The following ALAS2 variants were observed in gnomAD, a reference collection of about 807,000 sequenced individuals.
The protein encoded by ALAS2 is 5'-aminolevulinate synthase 2.
In ALAS2, 3 loss-of-function variants were observed where a neutral mutation model predicts 33.7. The ratio of observed to expected loss-of-function variants is 0.09; its 90% CI spans 0.04 to 0.23. The LOEUF is 0.23. Among genes scored for constraint, ALAS2 ranks in the 10% least tolerant of loss-of-function variants. The probability of loss-of-function intolerance (pLI) is 1.00; values close to 1 mark genes in which losing one functional copy is unlikely to be tolerated. For synonymous variants in ALAS2, 191 were observed against 177.3 expected (o/e 1.08, Z -0.61); for missense variants, 304 against 475.1 (o/e 0.64, Z 3.35).
At chrX:55,012,717 C>T (rs1432883732) in intron 10 of ALAS2, among the ~76,000 whole-genome samples, 4 of 111,959 alleles carry the variant, frequency 3.6e-5, no homozygotes, top group Non-Finnish European at 3.8e-5. Flanking sequence ...AGCCAGGACC[C>T]GGGAGGCAGA....
intron 6 of ALAS2, among the ~76,000 whole-genome samples, chrX:55,019,987 AGAG>A (rs1172671450): frequency 9.0e-6 from 1 of 111,579 alleles, no homozygotes; most frequent in Non-Finnish European, 1.9e-5. Context: ...AGGTTTTAGA[AGAG>A]GAGAAGAAGT....
chrX:55,018,042 G>A (rs1326959582), intron 6 of ALAS2, among the ~76,000 whole-genome samples: 6 of 111,861 alleles, frequency 5.4e-5, no homozygotes, highest in Non-Finnish European at 9.4e-5. Context: ...TTGTTGACTC[G>A]GACTGATGCT....
chrX:55,025,699 T>C (rs947935978), intron 2 of ALAS2, 121 bp downstream of exon 2: 1 of 756,766 alleles, frequency 1.3e-6, no homozygotes, highest in South Asian at 2.2e-5. Context: ...GGCCAGTTCA[T>C]GCTATCTTGA....
chrX:55,027,358 A>C (rs1032282626), intron 1 of ALAS2, among the ~76,000 whole-genome samples: 2 of 110,084 alleles, frequency 1.8e-5, no homozygotes, highest in African/African-American at 3.3e-5. Context: ...GGACAGAGAG[A>C]AGAGAGTAGA....
rs1935785633 is a variant in ALAS2 at position 55,020,508 on chromosome X, G to A, written c.639-4C>T. 1.7e-6 allele frequency: 2 copies of A among 1,171,316 alleles called. No individual in the cohort carries two copies. Among genetic ancestry groups the A allele is most frequent in the African/African-American group, 3.5e-5 (2 of 56,583 alleles). On this transcript the variant is annotated splice_polypyrimidine_tract_variant and splice_region_variant and intron_variant, in intron 5 of 10. Coordinates refer to ENST00000650242, the MANE Select transcript of ALAS2 (RefSeq NM_000032.5). ...ACCATGACGCTGCAGGGTCTCCCTG[G>A]CCAGGAGAAAACAGGAGAAAAGGAG...
intron 10 of ALAS2, among the ~76,000 whole-genome samples, chrX:55,012,732 G>A (rs1171566516): frequency 8.9e-6 from 1 of 112,492 alleles, no homozygotes; most frequent in Non-Finnish European, 1.9e-5. Context: ...GGCAGAGGTA[G>A]CAGTGAGCCA....
intron 6 of ALAS2, among the ~76,000 whole-genome samples, chrX:55,018,563 A>G (rs1935743411): frequency 8.9e-6 from 1 of 112,234 alleles, no homozygotes; most frequent in Non-Finnish European, 1.9e-5. Flanking sequence ...TATTAAATGA[A>G]TGGATAAATA....
rs1265972680 is a variant in ALAS2, at chrX:55,025,990, G to T, written c.11C>A (p.Ala4Glu). 8.3e-7 allele frequency: 1 copy of T among 1,210,801 alleles called. No homozygotes were observed. The highest frequency in any genetic ancestry group is 2.2e-5 in the Admixed American group (1 of 46,022). Residue 4 changes from alanine to glutamate, a missense_variant, in exon 2 of 11, where the codon GCA (alanine) becomes GAA (glutamate). Physicochemically the swap from Ala to Glu is moderately radical, Grantham distance 107 (BLOSUM62 -1). Around this residue, in one of 3 missense-constraint regions of ALAS2, gnomAD observed 71 missense variants for 82.8 expected, o/e 0.86. Transcript: ENST00000650242. MVT[A>E]AMLLQCCPVL... The stretch of plus-strand genomic sequence containing the variant: ...TGGGCAGCACTGTAGCAGCATGGCT[G>T]CAGTCACCATCTTGAACCTAAAGTC...
At chrX:55,026,141 A>G (rs2146727409) in intron 1 of ALAS2, 126 bp from the exon 2 acceptor site, 1 of 575,185 alleles carries the variant, frequency 1.7e-6, no homozygotes, top group East Asian at 3.6e-5. Flanking sequence ...TTGCCCTTCC[A>G]GGGAAAGAAC....
intron 6 of ALAS2, among the ~76,000 whole-genome samples, chrX:55,020,118 G>A (rs1441053014): frequency 3.6e-5 from 4 of 111,635 alleles, no homozygotes; most frequent in Non-Finnish European, 5.6e-5. Context: ...AATGTTCCCC[G>A]GTAATGGTCC....
At chrX:55,026,042 T>C in intron 1 of ALAS2, 27 bp from the exon 2 acceptor site, 1 of 1,165,055 alleles carries the variant, frequency 8.6e-7, no homozygotes, top group Non-Finnish European at 1.2e-6. Flanking sequence ...AGAGATGAGG[T>C]TCCATCATGA....
At chrX:55,018,545 T>C (rs985221292) in intron 6 of ALAS2, among the ~76,000 whole-genome samples, 2 of 112,133 alleles carry the variant, frequency 1.8e-5, no homozygotes, top group African/African-American at 3.2e-5. Flanking sequence ...AGATGCTAAG[T>C]AAACATTTAT....
At chrX:55,018,370 T>G (rs1935740244) in intron 6 of ALAS2, among the ~76,000 whole-genome samples, 1 of 111,394 alleles carries the variant, frequency 9.0e-6, no homozygotes, top group South Asian at 3.8e-4. Flanking sequence ...ATCAAGGAAC[T>G]GTGGCCTTAT....
In ALAS2 at chrX:55,009,285, A is replaced by C; in HGVS notation, c.1659T>G (p.Ala553=). The stretch of plus-strand genomic sequence containing the variant: ...CAGGACGGCGACAGAAATTGCAGGC[A>C]GCCACAGACACATCCTGGAGGGGCA... ...VGLPLQDVSV[A]ACNFCRRPVH... is the part of the protein sequence containing the mutation. Residue 553 remains alanine (A), a synonymous_variant, in exon 11 of 11, where the codon GCT becomes GCG. Coordinates refer to ENST00000650242, the MANE Select transcript of ALAS2 (RefSeq NM_000032.5). 1 of 1,205,693 alleles carries C rather than the reference A, an allele frequency of 8.3e-7. No homozygotes were observed. The highest frequency in any genetic ancestry group is 1.7e-5 in the African/African-American group (1 of 57,669).
intron 7 of ALAS2, 70 bp downstream of exon 7, chrX:55,017,416 A>T: frequency 1.0e-6 from 1 of 974,633 alleles, no homozygotes; most frequent in Non-Finnish European, 1.5e-6. Context: ...TATCGTCATC[A>T]TCATCATCAT....
chrX:55,017,562 G>A lies in ALAS2; in HGVS notation c.927C>T (p.His309=). 6.6e-6 allele frequency: 8 copies of A among 1,210,845 alleles called. No individual in the cohort carries two copies. The highest frequency in any genetic ancestry group is 8.9e-6 in the Non-Finnish European group (8 of 894,981). ...TAGACTTCTCTAGAAGTTTCTTTAG[G>A]TGGTCAGGGTCATTGTGCCTGAAGA... ...KFVFRHNDPD[H]LKKLLEKSNP... is the part of the protein sequence containing the mutation. Residue 309 remains histidine, a synonymous_variant, in exon 7 of 11, where the codon CAC becomes CAT. Coordinates refer to ENST00000650242, the MANE Select transcript of ALAS2 (RefSeq NM_000032.5).
intron 5 of ALAS2, 137 bp from the exon 6 acceptor site, chrX:55,020,641 G>A: frequency 1.6e-6 from 1 of 619,606 alleles, no homozygotes; most frequent in South Asian, 2.8e-5. Context: ...ATGAGACAAA[G>A]TAGAGGGAAG....
chrX:55,030,703 T>C (rs759121552), intron 1 of ALAS2, among the ~76,000 whole-genome samples: 82 of 107,941 alleles, frequency 7.6e-4, no homozygotes, highest in African/African-American at 2.8e-3. Context: ...TGAAATGAAA[T>C]GAATGATCTT....
chrX:55,011,164 T>G (rs1935596292), intron 10 of ALAS2, among the ~76,000 whole-genome samples: 1 of 111,841 alleles, frequency 8.9e-6, no homozygotes, highest in Admixed American at 9.5e-5. Context: ...AATGCTATGC[T>G]GAAGAGCTTC....
Sources: allele counts gnomAD v4.1 joint callset (sites outside exome capture counted in the v4.1 genomes callset), GRCh38; gene constraint gnomAD v4.1.1; regional missense constraint gnomAD v4.1.1; transcripts MANE v1.5; gene names NCBI Gene and HGNC (gene_info 2026-07-23, HGNC 2026-07-21).